The following ANXA9 variants were observed in gnomAD, a reference collection of about 807,000 sequenced individuals.
ANXA9 encodes annexin 31.
A neutral mutation model predicts 51.8 loss-of-function variants in ANXA9; 47 were observed. The ratio of observed to expected loss-of-function variants is 0.91; its 90% CI spans 0.72 to 1.16. ANXA9 has a LOEUF of 1.16. Ranked by LOEUF, ANXA9 falls within the 50% of genes most tolerant of loss-of-function variation. The probability of loss-of-function intolerance (pLI) is 0.00; values close to 1 mark genes in which losing one functional copy is unlikely to be tolerated. For missense variants in ANXA9, 361 were observed against 424.7 expected, an observed-to-expected ratio of 0.85 and a Z score of 1.32; for synonymous variants, 154 against 168.7, an observed-to-expected ratio of 0.91 and a Z score of 0.68.
In ANXA9 at chr1:150,986,678, G is replaced by A; in HGVS notation, c.612+17G>A. ...GATGTCCAGGTGAGCAGGGGGTTTA[G>A]GAGTGTGCACAGCCGCCATGCACAT... On this transcript the variant is annotated intron_variant, in intron 9 of 13. Coordinates refer to ENST00000368947, the MANE Select transcript of ANXA9 (RefSeq NM_003568.3). 6.3e-7 allele frequency: 1 copy of A among 1,584,244 alleles called. No individual in the cohort carries two copies. Among genetic ancestry groups the A allele is most frequent in the Non-Finnish European group, 8.5e-7 (1 of 1,170,724 alleles).
intron 2 of ANXA9, 85 bp from the exon 3 acceptor site, chr1:150,983,005 C>T: frequency 1.0e-6 from 1 of 968,146 alleles, no homozygotes; most frequent in Non-Finnish European, 1.6e-6. Context: ...GACTGGAACC[C>T]AGGGTCCAGG....
chr1:150,980,665 T>C (rs1671401188), upstream of ANXA9, among the ~76,000 whole-genome samples: 1 of 143,176 alleles, frequency 7.0e-6, no homozygotes, highest in African/African-American at 2.5e-5. Context: ...CTGCAACCTC[T>C]GCCTCCCAGG....
chr1:150,985,644 C>T (rs1023519972), intron 7 of ANXA9, among the ~76,000 whole-genome samples: 9 of 152,116 alleles, frequency 5.9e-5, no homozygotes, highest in African/African-American at 2.2e-4. Flanking sequence ...TGGCTCACTG[C>T]AGCCTTGACC....
chr1:150,992,704 A>G (rs1445884683), intron 12 of ANXA9, among the ~76,000 whole-genome samples: 1 of 152,164 alleles, frequency 6.6e-6, no homozygotes. Context: ...GCTGCTTGGG[A>G]GGCTGAGGCA....
chr1:150,987,995 T>C lies in ANXA9; in HGVS notation c.697+39T>C, dbSNP rs781254062. The C allele has an allele frequency of 7.4e-6, 12 of 1,613,728 alleles. No individual in the cohort carries two copies. In the South Asian group the frequency reaches 9.9e-5, roughly 13 times the overall value. On this transcript the variant is annotated intron_variant, in intron 10 of 13. Coordinates refer to ENST00000368947, the MANE Select transcript of ANXA9 (RefSeq NM_003568.3). ...TTCTTGTCCCCCTAGCTTGCTCTAA[T>C]GATCAGTTTGGGCTGAGGAAGGTGG...
At chr1:150,987,042 A>G (rs889958743) in intron 9 of ANXA9, among the ~76,000 whole-genome samples, 1 of 152,140 alleles carries the variant, frequency 6.6e-6, no homozygotes, top group Non-Finnish European at 1.5e-5. Flanking sequence ...TTCTTAAAAA[A>G]TAAAAAACAT....
chr1:150,980,213 G>T (rs1255982123), upstream of ANXA9, among the ~76,000 whole-genome samples: 1 of 152,088 alleles, frequency 6.6e-6, no homozygotes, highest in East Asian at 1.9e-4. Context: ...TGGCCAACAT[G>T]GTGAAACCCT....
intron 12 of ANXA9, among the ~76,000 whole-genome samples, chr1:150,990,617 C>T (rs1015964414): frequency 1.3e-5 from 2 of 152,152 alleles, no homozygotes; most frequent in Admixed American, 6.5e-5. Flanking sequence ...TAGGCTGAGG[C>T]GGGTGGATTA....
At chr1:150,981,479 A>G (rs1356910319), upstream of ANXA9, among the ~76,000 whole-genome samples, 4 of 152,284 alleles carry the variant, frequency 2.6e-5, no homozygotes, top group Middle Eastern at 3.4e-3. Context: ...GGGGCTCCAC[A>G]GGGCTGTTCA....
At chr1:150,979,380 C>T (rs1234957624), upstream of ANXA9, among the ~76,000 whole-genome samples, 1 of 151,970 alleles carries the variant, frequency 6.6e-6, no homozygotes, top group African/African-American at 2.4e-5. Context: ...TACAGAAAGC[C>T]GAGGGCCAGG....
chr1:150,986,702 A>G lies in ANXA9; in HGVS notation c.612+41A>G, dbSNP rs201381799. 159 of 1,533,374 alleles carry G rather than the reference A, an allele frequency of 1.0e-4. No homozygotes were observed. In the African/African-American group the frequency reaches 1.8e-3, roughly 17 times the overall value. The allele number at this position is 1,533,374 out of a possible 1,614,324, so 95.0% of individuals were successfully genotyped here. ...AGGAGTGTGCACAGCCGCCATGCAC[A>G]TAAGATGCCTTCCTCCACCATATCT... On this transcript the variant is annotated intron_variant, in intron 9 of 13. Coordinates refer to ENST00000368947, the MANE Select transcript of ANXA9 (RefSeq NM_003568.3).
At chr1:150,980,642 C>G (rs1410280713), upstream of ANXA9, among the ~76,000 whole-genome samples, 10 of 143,748 alleles carry the variant, frequency 7.0e-5, no homozygotes, top group African/African-American at 2.3e-4. Flanking sequence ...TGCAGTGGCG[C>G]CATCTCAGCT....
At chr1:150,991,268 ACTCTGTCG>A (rs1671691717) in intron 12 of ANXA9, among the ~76,000 whole-genome samples, 1 of 145,420 alleles carries the variant, frequency 6.9e-6, no homozygotes, top group East Asian at 2.0e-4. Context: ...ATCGAGTCTC[ACTCTGTCG>A]ACCAGGCTGG....
rs372026679 is a variant in ANXA9 at position 150,986,399 on chromosome 1, T to C, written c.536T>C (p.Leu179Pro). Reference sequence around the variant, plus strand: ...ACCAGTGGCATCTTGCAGGACCTGCTGTTGGCCCTGGCCAAGGTGAGGAGG... The same window carrying C: ...ACCAGTGGCATCTTGCAGGACCTGCCGTTGGCCCTGGCCAAGGTGAGGAGG... ...SETSGILQDL[L>P]LALAKGGRDS... The change falls in exon 8 of 14, where the codon CTG (leucine) becomes CCG (proline). Residue 179 changes from leucine (L) to proline (P), a missense_variant. Physicochemically the swap from Leu to Pro is moderately conservative, Grantham distance 98. Transcript: ENST00000368947. 13 of 1,614,116 alleles carry C rather than the reference T, an allele frequency of 8.1e-6. No homozygotes were observed. Among genetic ancestry groups the C allele is most frequent in the African/African-American group, 1.3e-5 (1 of 75,044 alleles).
In ANXA9 at chr1:150,988,311, C is replaced by G. The variant is rs1233521351; in HGVS notation, c.822C>G (p.Tyr274Ter). 6.2e-7 allele frequency: 1 copy of G among 1,614,166 alleles called. No homozygotes were observed. The highest frequency in any genetic ancestry group is 1.7e-5 in the Admixed American group (1 of 60,010). The change falls in exon 12 of 14, where the codon TAC (tyrosine) becomes TAG (stop). Residue 274 changes from tyrosine (Y) to a stop codon, truncating the protein, a stop_gained. Transcript: ENST00000368947. LOFTEE classifies it high-confidence loss of function. Reference protein sequence around the residue: ...LASVIKNTPLYFADKLHQALQ... With the variant: ...LASVIKNTPL ...CGGTGATCAAGAACACACCGCTGTA[C>G]TTTGCTGACAAACTTCATCAAGCCC...
At chr1:150,983,585 AC>A (rs1273803138) in intron 4 of ANXA9, 151 bp downstream of exon 4, 19 of 755,412 alleles carry the variant, frequency 2.5e-5, no homozygotes, top group Admixed American at 1.1e-4. Context: ...GGTGTGTCAA[AC>A]CCATTCTCAC....
At chr1:150,995,131 G>T in intron 13 of ANXA9, 129 bp from the exon 14 acceptor site, 1 of 915,626 alleles carries the variant, frequency 1.1e-6, no homozygotes, top group South Asian at 1.7e-5. Flanking sequence ...ATGTAGTGCA[G>T]GACTCTGAGC....
chr1:150,977,363 C>G (rs991860927), upstream of ANXA9, among the ~76,000 whole-genome samples: 1 of 152,192 alleles, frequency 6.6e-6, no homozygotes, highest in Non-Finnish European at 1.5e-5. Flanking sequence ...CGGGATGATG[C>G]GACCAGCTTT....
intron 4 of ANXA9, 98 bp downstream of exon 4, chr1:150,983,532 G>A (rs763789380): frequency 1.6e-6 from 2 of 1,213,314 alleles, no homozygotes; most frequent in South Asian, 1.5e-5. Flanking sequence ...TTGGAGAAAT[G>A]TTTGTGGAAT....
Sources: gnomAD v4.1 joint callset for allele counts (sites outside exome capture counted in the v4.1 genomes callset) on GRCh38, gnomAD v4.1.1 for gene constraint, MANE v1.5 for transcripts, NCBI Gene and HGNC (gene_info 2026-07-23, HGNC 2026-07-21) for gene names.